Variants in USP6NL observed in about 807,000 individuals in gnomAD.
The protein encoded by USP6NL is USP6 N-terminal-like protein.
USP6NL carries 26 observed loss-of-function variants against 61.9 expected under a neutral mutation model. The observed-to-expected ratio is 0.42, with a 90% CI of 0.31 to 0.58. The LOEUF (loss-of-function observed/expected upper bound fraction) is 0.58, where lower values mean the gene tolerates loss of function less well. USP6NL is among the 20% of genes least tolerant of loss of function. The probability of loss-of-function intolerance (pLI) is 0.16; values close to 1 mark genes in which losing one functional copy is unlikely to be tolerated. For missense variants in USP6NL, 1,114 were observed against 1,034.3 expected, an observed-to-expected ratio of 1.08 and a Z score of -1.06; for synonymous variants, 432 against 390.1, an observed-to-expected ratio of 1.11 and a Z score of -1.27.
intron 6 of USP6NL, among the ~76,000 whole-genome samples, chr10:11,508,148 A>T (rs1030181486): frequency 5.3e-5 from 8 of 150,522 alleles, no homozygotes; most frequent in Non-Finnish European, 1.2e-4. Context: ...TTTTGCTAGT[A>T]GGACTAAGTT....
At chr10:11,605,180 G>C (rs1212230304) in intron 1 of USP6NL, among the ~76,000 whole-genome samples, 2 of 152,270 alleles carry the variant, frequency 1.3e-5, no homozygotes, top group East Asian at 3.9e-4. Context: ...GCTTCTTTAG[G>C]TAAACGTTTG....
rs1192509086 is a variant in USP6NL at position 11,585,332 on chromosome 10, A to G, written c.4+12299T>C. On this transcript the variant is annotated intron_variant, in intron 2 of 14. Transcript: ENST00000609104. The surrounding 1 kb of genome is among the most constrained non-coding windows in gnomAD (Gnocchi z 4.5). ...AAAAAGAATTACAGTATGATCCAGC[A>G]ATTCCACTTCTTGGTACAGACCCAG... Among the ~76,000 whole-genome samples the G allele has an allele frequency of 1.3e-5, 2 of 152,186 alleles. No individual in the cohort carries two copies. The highest frequency in any genetic ancestry group is 2.9e-5 in the Non-Finnish European group (2 of 68,030).
chr10:11,547,697 C>T (rs943691710), intron 2 of USP6NL, among the ~76,000 whole-genome samples: 30 of 152,104 alleles, frequency 2.0e-4, no homozygotes, highest in Non-Finnish European at 2.6e-4. Context: ...TCCGCCATCA[C>T]GCCCAGCTAA....
intron 2 of USP6NL, among the ~76,000 whole-genome samples, chr10:11,538,399 G>T (rs192948548): frequency 5.9e-5 from 9 of 152,278 alleles, no homozygotes; most frequent in African/African-American, 2.2e-4. Flanking sequence ...CTGAATATAT[G>T]TATTACATGT....
chr10:11,579,470 T>C (rs1837665813), intron 2 of USP6NL, among the ~76,000 whole-genome samples: 1 of 152,208 alleles, frequency 6.6e-6, no homozygotes, highest in South Asian at 2.1e-4. Flanking sequence ...TTACATGCAG[T>C]GCGCACATGA....
At position 11,587,653 on chromosome 10, in the gene USP6NL, T is replaced by A. The variant is rs912779819; in HGVS notation, c.4+9978A>T. Reference sequence around the variant, plus strand: ...CAAATAGCTATAGCTGTTTTATTATTATAAAATAATTCGATTCAATACTGC... The same window carrying A: ...CAAATAGCTATAGCTGTTTTATTATAATAAAATAATTCGATTCAATACTGC... On this transcript the variant is annotated intron_variant, in intron 2 of 14. Transcript: ENST00000609104. This position sits in a 1 kb window ranked among gnomAD's most constrained non-coding sequence, Gnocchi z 4.5. Among the ~76,000 whole-genome samples the A allele has an allele frequency of 4.6e-5, 7 of 152,214 alleles. No homozygotes were observed. The highest frequency in any genetic ancestry group is 1.4e-4 in the African/African-American group (6 of 41,454).
chr10:11,473,864 A>G (rs183603635), intron 14 of USP6NL, among the ~76,000 whole-genome samples: 1 of 152,358 alleles, frequency 6.6e-6, no homozygotes, highest in African/African-American at 2.4e-5. Flanking sequence ...ATCAGGTTCA[A>G]AGATTTCTAA....
At position 11,489,235 on chromosome 10, in the gene USP6NL, G is replaced by A; in HGVS notation, c.544-13C>T. 1 of 1,613,280 alleles carries A rather than the reference G, an allele frequency of 6.2e-7. No individual in the cohort carries two copies. The highest frequency in any genetic ancestry group is 1.1e-5 in the South Asian group (1 of 90,970). Reference sequence around the variant, plus strand: ...AATACCCGACTTCCTGGGGAGCAAAGGGGAACACAGAAGCTGGGGAGTTCA... The same window carrying A: ...AATACCCGACTTCCTGGGGAGCAAAAGGGAACACAGAAGCTGGGGAGTTCA... On this transcript the variant is annotated splice_polypyrimidine_tract_variant and intron_variant, in intron 9 of 14. Transcript: ENST00000609104. The surrounding 1 kb of genome is among the most constrained non-coding windows in gnomAD (Gnocchi z 5.7).
chr10:11,515,284 C>T (rs1448594270), intron 5 of USP6NL, among the ~76,000 whole-genome samples: 3 of 152,316 alleles, frequency 2.0e-5, no homozygotes, highest in East Asian at 1.9e-4. Flanking sequence ...AGGCTAGACA[C>T]GTACACAATG....
At position 11,463,197 on chromosome 10, in the gene USP6NL, G is replaced by T. The variant is rs764067583; in HGVS notation, c.1731C>A (p.Pro577=). The T allele has an allele frequency of 1.2e-6, 2 of 1,613,494 alleles. No homozygotes were observed. Among genetic ancestry groups the T allele is most frequent in the Non-Finnish European group, 1.7e-6 (2 of 1,179,878 alleles). The change falls in exon 15 of 15, where the codon CCC becomes CCA. Residue 577 remains proline (P), a synonymous_variant. Coordinates refer to ENST00000609104, the MANE Select transcript of USP6NL (RefSeq NM_014688.5). This position sits in a 1 kb window ranked among gnomAD's most constrained non-coding sequence, Gnocchi z 6.3. ...EALERAYSQS[P]RHALYPPSPR... Reference sequence around the variant, plus strand: ...GGCTAGGAGGGTAAAGGGCATGCCGGGGGCTCTGGGAGTAAGCCCTTTCCA... The same window carrying T: ...GGCTAGGAGGGTAAAGGGCATGCCGTGGGCTCTGGGAGTAAGCCCTTTCCA...
In USP6NL at chr10:11,574,899, G is replaced by T. The variant is rs763877693; in HGVS notation, c.4+22732C>A. On this transcript the variant is annotated intron_variant, in intron 2 of 14. Transcript: ENST00000609104. This position sits in a 1 kb window ranked among gnomAD's most constrained non-coding sequence, Gnocchi z 4.3. ...TTCTGCTTTCTCTCCAGCAAGCACCGTCTGTAAAAATGTCTAGTTTTAAAA... is the reference window on the plus strand; with the variant it reads ...TTCTGCTTTCTCTCCAGCAAGCACCTTCTGTAAAAATGTCTAGTTTTAAAA... 3.9e-5 allele frequency among the ~76,000 whole-genome samples: 6 copies of T among 152,126 alleles called. No homozygotes were observed. The highest frequency in any genetic ancestry group is 4.2e-4 in the South Asian group (2 of 4,818).
chr10:11,597,715 G>C lies in USP6NL; in HGVS notation c.-81C>G, dbSNP rs1347680130. On this transcript the variant is annotated splice_region_variant and 5_prime_UTR_variant, in exon 2 of 15. Transcript: ENST00000609104. This position sits in a 1 kb window ranked among gnomAD's most constrained non-coding sequence, Gnocchi z 4.6. ...TCCAAGGTTTCTCAGAGGAATACAT[G>C]TCCTAGTCAGGAAACAAAGAGAAAG... The C allele has an allele frequency of 3.7e-6, 4 of 1,080,322 alleles. No homozygotes were observed. Among genetic ancestry groups the C allele is most frequent in the Non-Finnish European group, 5.5e-6 (4 of 721,326 alleles). The allele number at this position is 1,080,322 out of a possible 1,614,324, so 66.9% of individuals were successfully genotyped here.
In USP6NL at chr10:11,585,891, A is replaced by G. The variant is rs1426004695; in HGVS notation, c.4+11740T>C. Among the ~76,000 whole-genome samples the G allele has an allele frequency of 6.6e-6, 1 of 152,176 alleles. No homozygotes were observed. The highest frequency in any genetic ancestry group is 1.5e-5 in the Non-Finnish European group (1 of 68,018). On this transcript the variant is annotated intron_variant, in intron 2 of 14. Transcript: ENST00000609104. This position sits in a 1 kb window ranked among gnomAD's most constrained non-coding sequence, Gnocchi z 4.5. ...AAAAATACAAATACTGAATGATTCC[A>G]CTTACATGAGGTACCTAGAGGTCAG...
At chr10:11,533,514 C>T (rs1038420007) in intron 2 of USP6NL, among the ~76,000 whole-genome samples, 1 of 152,132 alleles carries the variant, frequency 6.6e-6, no homozygotes, top group East Asian at 1.9e-4. Flanking sequence ...TCACAAGAAT[C>T]CTTCTGAACA....
intron 2 of USP6NL, among the ~76,000 whole-genome samples, chr10:11,555,471 A>AAAGAGAGAGAG (rs1836674478): frequency 6.9e-4 from 43 of 62,072 alleles, no homozygotes; most frequent in African/African-American, 2.2e-3. Context: ...GAGAGAGAGA[A>AAAGAGAGAGAG]AGAGAGAGAG....
chr10:11,578,398 CT>C (rs927139906), intron 2 of USP6NL, among the ~76,000 whole-genome samples: 1 of 152,200 alleles, frequency 6.6e-6, no homozygotes, highest in Non-Finnish European at 1.5e-5. Flanking sequence ...AACCGGCATA[CT>C]TTTCTACTTT....
chr10:11,526,256 T>C (rs1040067112), intron 3 of USP6NL, among the ~76,000 whole-genome samples: 13 of 152,190 alleles, frequency 8.5e-5, no homozygotes, highest in African/African-American at 2.2e-4. Flanking sequence ...TAACTATCTA[T>C]ATCAATCCCT....
rs1838314411 is a variant in USP6NL, at chr10:11,595,973, T to C, written c.4+1658A>G. On this transcript the variant is annotated intron_variant, in intron 2 of 14. Transcript: ENST00000609104. This position sits in a 1 kb window ranked among gnomAD's most constrained non-coding sequence, Gnocchi z 5.3. ...AAAATGTTATGTGGTTCAAACACTATTAGTTGCTTGGCAAGCCATTCCTCC... is the reference window on the plus strand; with the variant it reads ...AAAATGTTATGTGGTTCAAACACTACTAGTTGCTTGGCAAGCCATTCCTCC... 6.6e-6 allele frequency among the ~76,000 whole-genome samples: 1 copy of C among 152,212 alleles called. No individual in the cohort carries two copies. The highest frequency in any genetic ancestry group is 2.1e-4 in the South Asian group (1 of 4,828).
At position 11,463,847 on chromosome 10, in the gene USP6NL, T is replaced by C; in HGVS notation, c.1081A>G (p.Lys361Glu). Residue 361 changes from lysine to glutamate, a missense_variant and splice_region_variant, in exon 15 of 15, where the codon AAA becomes GAA. Coordinates refer to ENST00000609104, the MANE Select transcript of USP6NL (RefSeq NM_014688.5). The surrounding 1 kb of genome is among the most constrained non-coding windows in gnomAD (Gnocchi z 6.3). ...RAKLDLPEPG[K>E]EDEYPKKPLG... is the part of the protein sequence containing the mutation. ...GGCTTCTTTGGATATTCATCCTCTT[T>C]ACCTGAAAAGAAAGAGAAAGGCTAA... 6.9e-7 allele frequency: 1 copy of C among 1,458,334 alleles called. No individual in the cohort carries two copies. The highest frequency in any genetic ancestry group is 9.1e-7 in the Non-Finnish European group (1 of 1,103,508). 90.3% of individuals were successfully genotyped at this position (1,458,334 alleles called of 1,614,324 possible). A position where few individuals can be genotyped will look rare whatever the true frequency, so the allele number is the denominator to read the frequency against.
Sources: gnomAD v4.1 joint callset for allele counts (sites outside exome capture counted in the v4.1 genomes callset) on GRCh38, gnomAD v4.1.1 for gene constraint, Gnocchi (gnomAD v3.1) non-coding constraint, MANE v1.5 for transcripts, NCBI Gene and HGNC (gene_info 2026-07-23, HGNC 2026-07-21) for gene names.